The following CACNA2D3 variants were observed in gnomAD, a reference collection of about 807,000 sequenced individuals.
CACNA2D3 encodes the protein calcium voltage-gated channel auxiliary subunit alpha2delta 3.
Under a neutral mutation model 160.6 loss-of-function variants are expected in CACNA2D3, and 60 were observed. The observed-to-expected ratio is 0.37, with a 90% confidence interval of 0.30 to 0.46. The LOEUF is 0.46. Ranked by LOEUF, CACNA2D3 falls within the 20% of genes least tolerant of loss-of-function variation. The pLI, the probability that CACNA2D3 is intolerant of heterozygous loss-of-function variation, is 1.00. For missense variants in CACNA2D3, 1,205 were observed against 1,365.0 expected (o/e 0.88, Z 1.85); for synonymous variants, 558 against 492.9 (o/e 1.13, Z -1.75).
chr3:54,348,401 G>C (rs1698495325), intron 3 of CACNA2D3, among the ~76,000 whole-genome samples: 1 of 152,188 alleles, frequency 6.6e-6, no homozygotes, highest in Non-Finnish European at 1.5e-5. Flanking sequence ...TTGATTGACA[G>C]AGTCTCCATA....
intron 2 of CACNA2D3, among the ~76,000 whole-genome samples, chr3:54,290,800 A>G (rs560257448): frequency 1.6e-4 from 24 of 152,120 alleles, no homozygotes; most frequent in African/African-American, 5.1e-4. Context: ...TCAGCAAACT[A>G]TCGCAAGGAT....
At chr3:54,689,721 GACACAC>G (rs374097446) in intron 11 of CACNA2D3, among the ~76,000 whole-genome samples, 1 of 150,332 alleles carries the variant, frequency 6.7e-6, no homozygotes, top group African/African-American at 2.4e-5. Context: ...TGCCGACTCT[GACACAC>G]ACACACACAC....
intron 2 of CACNA2D3, among the ~76,000 whole-genome samples, chr3:54,167,265 A>C (rs181954822): frequency 5.3e-5 from 8 of 152,264 alleles, no homozygotes; most frequent in Admixed American, 2.0e-4. Context: ...ATCCACAGTA[A>C]ATTGTTCTCA....
At chr3:54,628,644 G>C (rs188436108) in intron 10 of CACNA2D3, among the ~76,000 whole-genome samples, 290 of 150,452 alleles carry the variant, frequency 1.9e-3, no homozygotes, top group African/African-American at 6.8e-3. Context: ...TAGCAGTGAA[G>C]ATGTTAAGAA....
chr3:54,617,106 A>G (rs553798244), intron 9 of CACNA2D3, among the ~76,000 whole-genome samples: 10 of 152,244 alleles, frequency 6.6e-5, no homozygotes, highest in Middle Eastern at 3.4e-3. Context: ...CACTACATGT[A>G]TGTCTGCCCC....
At chr3:55,066,005 A>G (rs957061034) in intron 35 of CACNA2D3, among the ~76,000 whole-genome samples, 10 of 152,254 alleles carry the variant, frequency 6.6e-5, no homozygotes, top group African/African-American at 2.4e-4. Context: ...ATGGCTATCC[A>G]GTTATGCTAG....
chr3:54,163,652 C>T (rs1424952058), intron 2 of CACNA2D3, among the ~76,000 whole-genome samples: 5 of 152,034 alleles, frequency 3.3e-5, no homozygotes, highest in African/African-American at 4.8e-5. Context: ...CCTCTAACTG[C>T]GAGCCATTGG....
chr3:54,811,487 T>A (rs1283626871), intron 13 of CACNA2D3, among the ~76,000 whole-genome samples: 21 of 119,872 alleles, frequency 1.8e-4, no homozygotes, highest in African/African-American at 5.6e-4. Context: ...TTTTTTTTTT[T>A]TTTTTTTTTT....
chr3:54,794,661 T>C (rs1026511718), intron 13 of CACNA2D3, among the ~76,000 whole-genome samples: 1 of 151,958 alleles, frequency 6.6e-6, no homozygotes, highest in African/African-American at 2.4e-5. Flanking sequence ...TAGAGTGTTA[T>C]TTTCACTAGA....
chr3:54,528,269 T>TA lies in CACNA2D3; in HGVS notation c.544+24625dup, dbSNP rs10660243. ...ATTGGGCACAGAATCACTTAACAGA[T>TA]AAAAAAAAAATGGGCATGAGAATAG... On this transcript the variant is annotated intron_variant, in intron 5 of 37. Coordinates refer to ENST00000474759, the MANE Select transcript of CACNA2D3 (RefSeq NM_018398.3). Among the ~76,000 whole-genome samples, 460 of 150,330 alleles carry TA rather than the reference T, an allele frequency of 3.1e-3. 2 individuals are homozygous for TA. The highest frequency in any genetic ancestry group is 4.2e-3 in the African/African-American group (171 of 41,086).
At chr3:54,434,715 A>C (rs1190707823) in intron 4 of CACNA2D3, among the ~76,000 whole-genome samples, 2 of 152,222 alleles carry the variant, frequency 1.3e-5, no homozygotes, top group African/African-American at 2.4e-5. Flanking sequence ...GAGGGTCTCC[A>C]TCTGGAGACC....
intron 5 of CACNA2D3, among the ~76,000 whole-genome samples, chr3:54,548,659 C>T (rs1415597385): frequency 6.6e-6 from 1 of 152,222 alleles, no homozygotes; most frequent in Non-Finnish European, 1.5e-5. Context: ...CCCAGCGTTT[C>T]AAAGGATGAC....
intron 27 of CACNA2D3, among the ~76,000 whole-genome samples, chr3:54,910,898 T>G (rs1700541581): frequency 6.6e-6 from 1 of 152,216 alleles, no homozygotes; most frequent in Admixed American, 6.5e-5. Flanking sequence ...ATTCATTTAT[T>G]TTTTTAAACA....
At chr3:54,610,490 C>G (rs1361159472) in intron 9 of CACNA2D3, among the ~76,000 whole-genome samples, 1 of 151,376 alleles carries the variant, frequency 6.6e-6, no homozygotes, top group Non-Finnish European at 1.5e-5. Context: ...AAGACTGATT[C>G]AGTGGGAGCT....
chr3:55,051,573 C>G (rs369743186), intron 35 of CACNA2D3, among the ~76,000 whole-genome samples: 29,036 of 149,280 alleles, frequency 0.19, 3,391 homozygotes, highest in African/African-American at 0.3. Context: ...TCTGTGCCCT[C>G]CCTCCAGAGG....
At chr3:54,373,373 A>G (rs940571685) in intron 3 of CACNA2D3, among the ~76,000 whole-genome samples, 3 of 152,216 alleles carry the variant, frequency 2.0e-5, no homozygotes, top group Non-Finnish European at 4.4e-5. Context: ...CGAGTGACTC[A>G]GGTCATTTGG....
At position 54,163,705 on chromosome 3, in the gene CACNA2D3, G is replaced by A. The variant is rs1371408347; in HGVS notation, c.204+40111G>A. Among the ~76,000 whole-genome samples the A allele has an allele frequency of 2.0e-5, 3 of 152,112 alleles. No individual in the cohort carries two copies. In the South Asian group the frequency reaches 6.2e-4, roughly 32 times the overall value. On this transcript the variant is annotated intron_variant, in intron 2 of 37. Coordinates refer to ENST00000474759, the MANE Select transcript of CACNA2D3 (RefSeq NM_018398.3). ...ATGACATAATCTAGTTTGCATTTGC[G>A]GAAGATCCCATGCAGAAACAAATGT...
At chr3:54,831,136 G>C (rs1203224189) in intron 14 of CACNA2D3, among the ~76,000 whole-genome samples, 1 of 152,186 alleles carries the variant, frequency 6.6e-6, no homozygotes. Context: ...TTTTGTTCTT[G>C]ACTTGGAGCC....
chr3:54,198,160 G>A (rs1255628517), intron 2 of CACNA2D3, among the ~76,000 whole-genome samples: 1 of 152,216 alleles, frequency 6.6e-6, no homozygotes, highest in Non-Finnish European at 1.5e-5. Context: ...AAGGACGGGA[G>A]CAAACCACTG....
Sources: gnomAD v4.1 joint callset for allele counts (sites outside exome capture counted in the v4.1 genomes callset) on GRCh38, gnomAD v4.1.1 for gene constraint, MANE v1.5 for transcripts, NCBI Gene and HGNC (gene_info 2026-07-23, HGNC 2026-07-21) for gene names.